The following KALRN variants were observed in gnomAD, a reference collection of about 807,000 sequenced individuals.
KALRN encodes the protein kalirin RhoGEF kinase, also known as kalirin.
In KALRN, 70 loss-of-function variants were observed where a neutral mutation model predicts 353.7. The ratio of observed to expected loss-of-function variants is 0.20; its 90% CI spans 0.16 to 0.24. KALRN has a LOEUF of 0.24. KALRN is among the 10% of genes least tolerant of loss of function. The pLI is 1.00. For synonymous variants in KALRN, 1,391 were observed against 1,434.8 expected (o/e 0.97, Z 0.69); for missense variants, 2,791 against 3,756.7 (o/e 0.74, Z 6.72).
chr3:124,333,813 G>A (rs549149003), intron 8 of KALRN, among the ~76,000 whole-genome samples: 5 of 152,152 alleles, frequency 3.3e-5, no homozygotes, highest in Admixed American at 2.6e-4. Flanking sequence ...GCTTGAACCC[G>A]GGAGGCAGAG....
At chr3:124,202,506 C>G (rs1177862039) in intron 1 of KALRN, among the ~76,000 whole-genome samples, 1 of 152,212 alleles carries the variant, frequency 6.6e-6, no homozygotes, top group Non-Finnish European at 1.5e-5. Flanking sequence ...CCTGGCTAGG[C>G]CTCCCAAAGT....
At position 124,520,182 on chromosome 3, in the gene KALRN, G is replaced by A. The variant is rs80307603; in HGVS notation, c.4935+23769G>A. Among the ~76,000 whole-genome samples, 44 of 152,170 alleles carry A rather than the reference G, an allele frequency of 2.9e-4. No homozygotes were observed. In the East Asian group the frequency reaches 7.9e-3, roughly 27 times the overall value. On this transcript the variant is annotated intron_variant, in intron 33 of 59. Transcript: ENST00000682506. ...GGAGTATAATTGACTCCCCCAGGAG[G>A]GAATGAGGGAGCAGGGTAGAAGGGA...
In KALRN at chr3:124,384,934, A is replaced by C. The variant is rs762659170; in HGVS notation, c.1860A>C (p.Ala620=). The change falls in exon 11 of 60, where the codon GCA becomes GCC. Residue 620 remains alanine, a synonymous_variant. Coordinates refer to ENST00000682506, the MANE Select transcript of KALRN (RefSeq NM_001388419.1). The part of the protein sequence containing the change: ...GECDPEEIYK[A]ARHLEVRIQD... Reference sequence around the variant, plus strand: ...GTGACCCCGAGGAGATCTACAAGGCAGCTCGACACCTGGAGGTGCGCATCC... The same window carrying C: ...GTGACCCCGAGGAGATCTACAAGGCCGCTCGACACCTGGAGGTGCGCATCC... 15 of 1,614,138 alleles carry C rather than the reference A, an allele frequency of 9.3e-6. 1 individual carries two copies. The South Asian group carries it at 1.6e-4, about 18-fold the overall frequency.
At chr3:124,198,349 T>G (rs1033225945) in intron 1 of KALRN, among the ~76,000 whole-genome samples, 2 of 152,210 alleles carry the variant, frequency 1.3e-5, no homozygotes, top group African/African-American at 2.4e-5. Context: ...TCATCTGAAA[T>G]TGGGATAATA....
chr3:124,237,998 A>G (rs997508575), intron 3 of KALRN, among the ~76,000 whole-genome samples: 1 of 152,196 alleles, frequency 6.6e-6, no homozygotes, highest in African/African-American at 2.4e-5. Flanking sequence ...GATTAAACAG[A>G]TAGTGTTGAT....
At chr3:124,186,062 T>G (rs992765323) in intron 1 of KALRN, among the ~76,000 whole-genome samples, 12 of 152,286 alleles carry the variant, frequency 7.9e-5, no homozygotes, top group Middle Eastern at 6.8e-3. Context: ...TTACCTGGTT[T>G]CAGGGCCCAG....
intron 5 of KALRN, among the ~76,000 whole-genome samples, chr3:124,296,402 C>T (rs555986348): frequency 1.3e-5 from 2 of 152,288 alleles, no homozygotes; most frequent in Admixed American, 1.3e-4. Flanking sequence ...CCTCTCTAAA[C>T]AACTAAGTCC....
intron 13 of KALRN, among the ~76,000 whole-genome samples, chr3:124,409,929 G>A (rs1343332266): frequency 1.3e-5 from 2 of 152,128 alleles, no homozygotes; most frequent in East Asian, 3.9e-4. Context: ...AACAGAAAGA[G>A]GAGAGAGCCT....
chr3:124,594,257 C>T (rs146254423), intron 34 of KALRN, among the ~76,000 whole-genome samples: 6,958 of 152,256 alleles, frequency 0.046, 193 homozygotes, highest in Middle Eastern at 0.078. Context: ...GACAGAGTCT[C>T]GCTCTGTCAC....
chr3:124,094,610 T>C, intron 1 of KALRN: 1 of 582,480 alleles, frequency 1.7e-6, no homozygotes. Context: ...GCAGGCTCGG[T>C]CTGCACACGG....
chr3:124,531,177 T>C (rs901075062), intron 33 of KALRN, among the ~76,000 whole-genome samples: 6 of 152,214 alleles, frequency 3.9e-5, no homozygotes, highest in African/African-American at 1.2e-4. Flanking sequence ...ACTAGTCACA[T>C]AGACCTACTC....
chr3:124,184,588 C>T (rs547596012), intron 1 of KALRN, among the ~76,000 whole-genome samples: 1 of 152,192 alleles, frequency 6.6e-6, no homozygotes, highest in Non-Finnish European at 1.5e-5. Context: ...CCTGAAGACA[C>T]AGGTCAATTT....
intron 34 of KALRN, among the ~76,000 whole-genome samples, chr3:124,626,518 G>C (rs1446445410): frequency 6.6e-6 from 1 of 151,812 alleles, no homozygotes; most frequent in Non-Finnish European, 1.5e-5. Context: ...TTTAATTATA[G>C]AAAGCCAACT....
intron 49 of KALRN, chr3:124,674,886 A>G (rs2086975691): frequency 5.9e-6 from 2 of 340,092 alleles, no homozygotes; most frequent in African/African-American, 4.3e-5. Context: ...TCTCCCCCAC[A>G]TTCATTAAGA....
At chr3:124,491,535 T>C in intron 31 of KALRN, 111 bp downstream of exon 31, 1 of 657,972 alleles carries the variant, frequency 1.5e-6, no homozygotes, top group South Asian at 3.8e-5. Flanking sequence ...GCCATGGGCC[T>C]CTTTTGGGAA....
At chr3:124,248,998 T>C (rs887324568) in intron 3 of KALRN, among the ~76,000 whole-genome samples, 13 of 152,198 alleles carry the variant, frequency 8.5e-5, no homozygotes, top group African/African-American at 2.4e-4. Flanking sequence ...TTCACCCTCA[T>C]TGGCTGAAGA....
chr3:124,529,171 G>T (rs1286299112), intron 33 of KALRN, among the ~76,000 whole-genome samples: 1 of 152,128 alleles, frequency 6.6e-6, no homozygotes, highest in Non-Finnish European at 1.5e-5. Context: ...TTTCTTCACT[G>T]CTATATCCCC....
intron 27 of KALRN, among the ~76,000 whole-genome samples, chr3:124,478,280 C>A (rs1275021287): frequency 6.6e-6 from 1 of 152,118 alleles, no homozygotes; most frequent in Non-Finnish European, 1.5e-5. Context: ...TATATGCCTA[C>A]CTGTTTTCAT....
chr3:124,228,170 G>A, intron 2 of KALRN, 106 bp downstream of exon 2: 2 of 934,538 alleles, frequency 2.1e-6, no homozygotes, highest in African/African-American at 1.6e-5. Context: ...TAGGGGTGGG[G>A]AAGTTATGCT....
Sources: gnomAD v4.1 joint callset for allele counts (sites outside exome capture counted in the v4.1 genomes callset) on GRCh38, gnomAD v4.1.1 for gene constraint, MANE v1.5 for transcripts, NCBI Gene and HGNC (gene_info 2026-07-23, HGNC 2026-07-21) for gene names.